The following IFITM10 variants were observed in gnomAD, a reference collection of about 807,000 sequenced individuals.
IFITM10 encodes the protein interferon-induced transmembrane protein 10.
A neutral mutation model predicts 19.0 loss-of-function variants in IFITM10; 17 were observed. That is an observed-to-expected ratio of 0.90 (90% CI 0.61 to 1.34). The LOEUF (loss-of-function observed/expected upper bound fraction) is 1.34. Ranked by LOEUF, IFITM10 falls within the 40% of genes most tolerant of loss-of-function variation. The probability of loss-of-function intolerance (pLI) is 0.00; values close to 1 mark genes in which losing one functional copy is unlikely to be tolerated. For missense variants in IFITM10, 306 were observed against 319.8 expected, an observed-to-expected ratio of 0.96 and a Z score of 0.33; for synonymous variants, 148 against 147.2, an observed-to-expected ratio of 1.01 and a Z score of -0.04.
chr11:1,747,574 G>C (rs941447446), intron 2 of IFITM10, 93 bp downstream of exon 2: 5 of 1,128,772 alleles, frequency 4.4e-6, no homozygotes, highest in African/African-American at 3.1e-5. Flanking sequence ...GCTCCCCTGA[G>C]AGGGAGAGGG....
At chr11:1,744,535 C>T (rs1845614417) in intron 2 of IFITM10, 1 of 152,788 alleles carries the variant, frequency 6.5e-6, no homozygotes, top group Non-Finnish European at 1.5e-5. Context: ...GGAGAATTGA[C>T]TTTTTGTATC....
intron 2 of IFITM10, among the ~76,000 whole-genome samples, chr11:1,738,736 G>T (rs2133641919): frequency 1.3e-5 from 2 of 152,284 alleles, no homozygotes; most frequent in South Asian, 2.1e-4. Context: ...GGAGCTGACA[G>T]TGTTTGCTGG....
chr11:1,732,528 AG>A lies in IFITM10; in HGVS notation c.*2751del, dbSNP rs879547596. The A allele has an allele frequency of 2.0e-5, 3 of 152,348 alleles. No individual in the cohort carries two copies. Among genetic ancestry groups the A allele is most frequent in the Non-Finnish European group, 4.4e-5 (3 of 68,106 alleles). The allele number at this position is 152,348 out of a possible 1,614,324, so 9.4% of individuals were successfully genotyped here. ...AGGGAGCGCCAGCAGGTCAGGCATGAGTACAGACAGGCAAAGACACAGACTT... is the reference window on the plus strand; with the variant it reads ...AGGGAGCGCCAGCAGGTCAGGCATGATACAGACAGGCAAAGACACAGACTT... On this transcript the variant is annotated 3_prime_UTR_variant, in exon 3 of 3. Coordinates refer to ENST00000340134, the MANE Select transcript of IFITM10 (RefSeq NM_001170820.4).
At chr11:1,741,284 G>A (rs757446737) in intron 2 of IFITM10, among the ~76,000 whole-genome samples, 9 of 151,906 alleles carry the variant, frequency 5.9e-5, no homozygotes, top group South Asian at 2.1e-4. Flanking sequence ...ATTAGGAAAC[G>A]GGCCCGAGAA....
Position 1,735,414 on chromosome 11 carries a change from G to A in IFITM10, c.553C>T (p.Leu185Phe). The change falls in exon 3 of 3, where the codon CTT becomes TTT. Residue 185 changes from leucine to phenylalanine, a missense_variant. Physicochemically the swap from Leu to Phe is conservative, Grantham distance 22. Transcript: ENST00000340134. Reference protein sequence around the residue: ...AYSLKVRDKKLLNDLNGAVED... With the variant: ...AYSLKVRDKKFLNDLNGAVED... The stretch of plus-strand genomic sequence containing the variant: ...ACGGCTCCATTCAGGTCATTGAGAA[G>A]CTTCTTGTCTCGCACCTGAAGCCGG... 2.6e-6 allele frequency: 4 copies of A among 1,551,494 alleles called. No individual in the cohort carries two copies. The highest frequency in any genetic ancestry group is 3.5e-6 in the Non-Finnish European group (4 of 1,146,808).
At position 1,747,933 on chromosome 11, in the gene IFITM10, G is replaced by A. The variant is rs566931796; in HGVS notation, c.271C>T (p.Pro91Ser). 82 of 1,479,204 alleles carry A rather than the reference G, an allele frequency of 5.5e-5. No individual in the cohort carries two copies. In the African/African-American group the frequency reaches 1.0e-3, roughly 19 times the overall value. The allele number at this position is 1,479,204 out of a possible 1,614,324, so 91.6% of individuals were successfully genotyped here. A position where few individuals can be genotyped will look rare whatever the true frequency, so the allele number is the denominator to read the frequency against. ...ATCGGGGGAGAGGCCGAGGGCTCAG[G>A]GGCAGGGGCCGCCGGAGCCTGCAGG... ...PALQAPAAPA[P>S]EPSASPPMAP... Residue 91 changes from proline to serine, a missense_variant, in exon 2 of 3, where the codon CCT becomes TCT. Physicochemically the swap from Pro to Ser is moderately conservative, Grantham distance 74. Transcript: ENST00000340134.
chr11:1,749,731 C>G (rs1312275241), intron 1 of IFITM10, among the ~76,000 whole-genome samples: 1 of 151,994 alleles, frequency 6.6e-6, no homozygotes, highest in Non-Finnish European at 1.5e-5. Context: ...ACCAAGTCCA[C>G]AAGGCCCCCA....
At position 1,735,050 on chromosome 11, in the gene IFITM10, C is replaced by G; in HGVS notation, c.*230G>C. ...AGGGGAGAAGCCCCCAGGCCCCAGA[C>G]ACAGGCAGGGTGGAGGCCAGGAGGC... On this transcript the variant is annotated 3_prime_UTR_variant, in exon 3 of 3. Transcript: ENST00000340134. 1 of 545,942 alleles carries G rather than the reference C, an allele frequency of 1.8e-6. No individual in the cohort carries two copies. The highest frequency in any genetic ancestry group is 2.6e-5 in the South Asian group (1 of 38,264). 33.8% of individuals were successfully genotyped at this position (545,942 alleles called of 1,614,324 possible).
At chr11:1,738,795 T>G (rs1851113518) in intron 2 of IFITM10, among the ~76,000 whole-genome samples, 1 of 152,058 alleles carries the variant, frequency 6.6e-6, no homozygotes, top group Non-Finnish European at 1.5e-5. Context: ...GCATGGTGGC[T>G]CACGCCTGTA....
chr11:1,749,105 A>T, intron 1 of IFITM10: 1 of 1,116,324 alleles, frequency 9.0e-7, no homozygotes, highest in Admixed American at 3.7e-5. Context: ...CTGTCCACTG[A>T]TCCGCCTCCC....
chr11:1,744,823 G>C (rs182171666), intron 2 of IFITM10: 139 of 152,500 alleles, frequency 9.1e-4, no homozygotes, highest in African/African-American at 3.2e-3. Flanking sequence ...AGGCAAGATG[G>C]CTTGTCTGTC....
At chr11:1,748,519 C>T (rs567675218) in intron 1 of IFITM10, 80 of 186,860 alleles carry the variant, frequency 4.3e-4, no homozygotes, top group African/African-American at 1.7e-3. Flanking sequence ...AGCCGCCAAC[C>T]GGCAGAGCTA....
rs1309514303 is a variant in IFITM10, at chr11:1,747,878, T to C, written c.326A>G (p.Lys109Arg). ...MAPTLFPMES[K>R]SSKTDSVRAA... ...CCGCACGCTGTCGGTCTTGCTGCTC[T>C]TGGACTCCATGGGGAACAGTGTGGG... The change falls in exon 2 of 3, where the codon AAG becomes AGG. Residue 109 changes from lysine to arginine, a missense_variant. Lys to Arg is a conservative substitution (Grantham distance 26). Coordinates refer to ENST00000340134, the MANE Select transcript of IFITM10 (RefSeq NM_001170820.4). 1 of 1,531,498 alleles carries C rather than the reference T, an allele frequency of 6.5e-7. No homozygotes were observed. The highest frequency in any genetic ancestry group is 8.8e-7 in the Non-Finnish European group (1 of 1,136,012). 94.9% of individuals were successfully genotyped at this position (1,531,498 alleles called of 1,614,324 possible).
In IFITM10 at chr11:1,735,215, T is replaced by A. The variant is rs756540287; in HGVS notation, c.*65A>T. On this transcript the variant is annotated 3_prime_UTR_variant, in exon 3 of 3. Coordinates refer to ENST00000340134, the MANE Select transcript of IFITM10 (RefSeq NM_001170820.4). Reference sequence around the variant, plus strand: ...CCCCAACCTCATGGGATCCTGCGTTTCAGGGACCATGAGAATAAACATGTC... The same window carrying A: ...CCCCAACCTCATGGGATCCTGCGTTACAGGGACCATGAGAATAAACATGTC... 15 of 1,513,826 alleles carry A rather than the reference T, an allele frequency of 9.9e-6. No homozygotes were observed. In the Middle Eastern group the frequency reaches 8.6e-4, roughly 86 times the overall value. The allele number at this position is 1,513,826 out of a possible 1,614,324, so 93.8% of individuals were successfully genotyped here.
At chr11:1,742,372 G>A (rs1215296651) in intron 2 of IFITM10, among the ~76,000 whole-genome samples, 4 of 152,280 alleles carry the variant, frequency 2.6e-5, no homozygotes, top group South Asian at 4.1e-4. Context: ...AAATGAGAGG[G>A]AAAAGAAGAA....
rs1851080607 is a variant in IFITM10, at chr11:1,735,759, G to A, written c.538-330C>T. 2.6e-5 allele frequency among the ~76,000 whole-genome samples: 4 copies of A among 152,176 alleles called. No individual in the cohort carries two copies. The South Asian group carries it at 8.3e-4, about 31-fold the overall frequency. Reference sequence around the variant, plus strand: ...GGGGCAACTGGGTGAAGGATATAAAGAAATTCCTTGTTTTTTCTTTTTGCA... The same window carrying A: ...GGGGCAACTGGGTGAAGGATATAAAAAAATTCCTTGTTTTTTCTTTTTGCA... On this transcript the variant is annotated intron_variant, in intron 2 of 2. Coordinates refer to ENST00000340134, the MANE Select transcript of IFITM10 (RefSeq NM_001170820.4).
rs556880790 is a variant in IFITM10 at position 1,741,435 on chromosome 11, A to G, written c.538-6006T>C. Among the ~76,000 whole-genome samples, 6 of 151,984 alleles carry G rather than the reference A, an allele frequency of 3.9e-5. No individual in the cohort carries two copies. The East Asian group carries it at 1.2e-3, about 30-fold the overall frequency. On this transcript the variant is annotated intron_variant, in intron 2 of 2. Transcript: ENST00000340134. ...GGGAGATGGATGGTGCTGGGTGGGT[A>G]GAGGAGAGGGAGGAGGAGAGCGGGA...
chr11:1,740,832 G>C (rs552812268), intron 2 of IFITM10, among the ~76,000 whole-genome samples: 4 of 152,206 alleles, frequency 2.6e-5, no homozygotes, highest in Non-Finnish European at 5.9e-5. Flanking sequence ...TGGCTCATGC[G>C]TGTAGATCTC....
chr11:1,748,079 G>C lies in IFITM10; in HGVS notation c.125C>G (p.Pro42Arg). The part of the protein sequence containing the change: ...PGQCPAPLGD[P>R]ASTTDGAQEA... ...CTGGGCGCCGTCCGTGGTGCTGGCC[G>C]GGTCTCCCAGCGGGGCTGGGCACTG... is the stretch of plus-strand genomic sequence containing the variant. Residue 42 changes from proline (P) to arginine (R), a missense_variant, in exon 2 of 3, where the codon CCG becomes CGG. Transcript: ENST00000340134. 1 of 1,413,502 alleles carries C rather than the reference G, an allele frequency of 7.1e-7. No individual in the cohort carries two copies. The highest frequency in any genetic ancestry group is 9.2e-7 in the Non-Finnish European group (1 of 1,090,792). 87.6% of individuals were successfully genotyped at this position (1,413,502 alleles called of 1,614,324 possible). A position where few individuals can be genotyped will look rare whatever the true frequency, so the allele number is the denominator to read the frequency against.
Sources: allele counts gnomAD v4.1 joint callset (sites outside exome capture counted in the v4.1 genomes callset), GRCh38; gene constraint gnomAD v4.1.1; transcripts MANE v1.5; gene names NCBI Gene and HGNC (gene_info 2026-07-23, HGNC 2026-07-21).